Variants in NBPF14 observed in about 807,000 individuals in gnomAD.
NBPF14 encodes the protein NBPF member 14.
NBPF14 carries 104 observed loss-of-function variants against 91.2 expected under a neutral mutation model. The ratio of observed to expected loss-of-function variants is 1.14; its 90% CI spans 0.97 to 1.34. The LOEUF (loss-of-function observed/expected upper bound fraction) is 1.34. Among genes scored for constraint, NBPF14 ranks in the 40% most tolerant of loss-of-function variants. NBPF14 has a pLI of 0.00. For missense variants in NBPF14, 908 were observed against 783.0 expected (o/e 1.16, Z -1.91); for synonymous variants, 294 against 303.8 (o/e 0.97, Z 0.34).
intron 22 of NBPF14, among the ~76,000 whole-genome samples, chr1:148,571,274 C>CTG (rs1553335364): frequency 1.7e-5 from 1 of 58,292 alleles, no homozygotes; most frequent in African/African-American, 1.4e-4. Flanking sequence ...CACACACACA[C>CTG]AGAGAGAGAG....
At chr1:148,534,515 G>C (rs1251728552) in intron 69 of NBPF14, among the ~76,000 whole-genome samples, 169 bp downstream of exon 69, 1 of 151,788 alleles carries the variant, frequency 6.6e-6, no homozygotes, top group Non-Finnish European at 1.5e-5. Context: ...CCCATTTCAT[G>C]TCTAGGCTTC....
At chr1:148,577,679 A>T (rs1446440240) in intron 14 of NBPF14, among the ~76,000 whole-genome samples, 1 of 148,166 alleles carries the variant, frequency 6.7e-6, no homozygotes, top group African/African-American at 2.6e-5. Flanking sequence ...CACAGTGAAC[A>T]GTGATCATGA....
At position 148,534,976 on chromosome 1, in the gene NBPF14, T is replaced by C. The variant is rs1201775037; in HGVS notation, c.8442-120A>G. The C allele has an allele frequency of 4.4e-4, 324 of 733,640 alleles. 7 individuals are homozygous for C. In the African/African-American group the frequency reaches 5.8e-3, roughly 13 times the overall value. 45.4% of individuals were successfully genotyped at this position (733,640 alleles called of 1,614,324 possible). A position where few individuals can be genotyped will look rare whatever the true frequency, so the allele number is the denominator to read the frequency against. ...AAAAGAAAAAGGACAGATCCATTAA[T>C]GAGGTAACGAATTATTGCCTTTATG... On this transcript the variant is annotated intron_variant, in intron 68 of 70. Coordinates refer to ENST00000619423, the Ensembl canonical transcript of NBPF14.
chr1:148,574,106 C>T, exon 19 of NBPF14: 1 of 52,006 alleles, frequency 1.9e-5, no homozygotes. Flanking sequence ...ATAAAAGGAA[C>T]TTCCATAGGG....
chr1:148,591,233 T>C lies in NBPF14; in HGVS notation c.566+199A>G, dbSNP rs1356986615. ...GAGGATGAAGACTCAGCTATCCCTG[T>C]ATGGTACAGACATGACACTTGGCAC... On this transcript the variant is annotated intron_variant, in intron 5 of 70. Coordinates refer to ENST00000619423, the Ensembl canonical transcript of NBPF14. 7.1e-3 allele frequency among the ~76,000 whole-genome samples: 1,041 copies of C among 146,512 alleles called. 5 individuals are homozygous for C. Among genetic ancestry groups the C allele is most frequent in the Non-Finnish European group, 0.01 (670 of 64,850 alleles).
chr1:148,559,542 G>C (rs1418862830), intron 37 of NBPF14, among the ~76,000 whole-genome samples: 2 of 118,890 alleles, frequency 1.7e-5, no homozygotes, highest in Admixed American at 1.7e-4. Flanking sequence ...ATCTGCCCAG[G>C]TCCAATGTCA....
Position 148,586,954 on chromosome 1 carries a change from AG to A in NBPF14, c.1091+346del, listed in dbSNP as rs1248809347. Among the ~76,000 whole-genome samples the A allele has an allele frequency of 3.3e-4, 48 of 145,876 alleles. 2 individuals carry two copies. Among genetic ancestry groups the A allele is most frequent in the Admixed American group, 3.2e-3 (46 of 14,540 alleles). ...AAAGAATGAGAAGCCGCAGTCAGTCAGGAGGTGATTCTCACTAAGGGTAAGT... is the reference window on the plus strand; with the variant it reads ...AAAGAATGAGAAGCCGCAGTCAGTCAGAGGTGATTCTCACTAAGGGTAAGT... On this transcript the variant is annotated intron_variant, in intron 8 of 70. Coordinates refer to ENST00000619423, the Ensembl canonical transcript of NBPF14.
chr1:148,560,111 T>G (rs1342824300), intron 36 of NBPF14, 146 bp from the exon 37 acceptor site: 1 of 666,136 alleles, frequency 1.5e-6, no homozygotes, highest in Non-Finnish European at 2.7e-6. Context: ...TGCCTTTATG[T>G]TGGGATAGAA....
rs1193679703 is a variant in NBPF14, at chr1:148,589,975, G to A, written c.779-582C>T. Reference sequence around the variant, plus strand: ...TCGAACTCCTGAGCTCAGGTGTTCCGCCCACCTCAGCCTCCCAAAGTGCTG... The same window carrying A: ...TCGAACTCCTGAGCTCAGGTGTTCCACCCACCTCAGCCTCCCAAAGTGCTG... On this transcript the variant is annotated intron_variant, in intron 6 of 70. Coordinates refer to ENST00000619423, the Ensembl canonical transcript of NBPF14. Among the ~76,000 whole-genome samples, 17 of 142,486 alleles carry A rather than the reference G, an allele frequency of 1.2e-4. 1 individual carries two copies. The highest frequency in any genetic ancestry group is 2.8e-4 in the Admixed American group (4 of 14,234). 93.5% of individuals were successfully genotyped at this position (142,486 alleles called of 152,430 possible).
exon 37 of NBPF14, chr1:148,559,855 G>A (rs1423344967): frequency 4.6e-5 from 70 of 1,515,688 alleles, no homozygotes; most frequent in East Asian, 7.4e-5. Context: ...ACTTCTATAG[G>A]GCTGGCATGA....
intron 69 of NBPF14, among the ~76,000 whole-genome samples, 157 bp downstream of exon 69, chr1:148,534,527 A>G (rs1287682114): frequency 2.0e-5 from 3 of 151,808 alleles, no homozygotes; most frequent in African/African-American, 7.3e-5. Flanking sequence ...CTAGGCTTCC[A>G]GCTGAGACTA....
rs1477928089 is a variant in NBPF14, at chr1:148,557,625, G to C, written c.4955-83C>G. ...AGTCCACTGTCTAATCCCCACACAG[G>C]GATCTCAGGCTCCTCAGCATGAGAA... On this transcript the variant is annotated intron_variant, in intron 39 of 70. Transcript: ENST00000619423. 1.7e-4 allele frequency: 96 copies of C among 576,610 alleles called. 29 individuals carry two copies. In the African/African-American group the frequency reaches 2.6e-3, roughly 16 times the overall value. The allele number at this position is 576,610 out of a possible 1,614,324, so 35.7% of individuals were successfully genotyped here. A position where few individuals can be genotyped will look rare whatever the true frequency, so the allele number is the denominator to read the frequency against.
At chr1:148,595,029 A>G (rs1182332616) in intron 2 of NBPF14, among the ~76,000 whole-genome samples, 1 of 135,608 alleles carries the variant, frequency 7.4e-6, no homozygotes, top group Non-Finnish European at 1.6e-5. Context: ...TCACTTATAG[A>G]TAGCACAGGT....
exon 71 of NBPF14, chr1:148,532,277 G>A (rs1273047195): frequency 9.2e-5 from 14 of 152,376 alleles, no homozygotes; most frequent in Admixed American, 5.9e-4. Flanking sequence ...CAAGAACATG[G>A]CATTGTTCAT....
At chr1:148,532,403 G>T (rs1388513465) in exon 71 of NBPF14, 5 of 162,768 alleles carry the variant, frequency 3.1e-5, no homozygotes, top group Admixed American at 5.6e-5. Context: ...AATGCTGTTT[G>T]TCCATCTAGC....
chr1:148,593,451 T>C (rs1271117111), intron 3 of NBPF14, 147 bp downstream of exon 3: 2 of 636,264 alleles, frequency 3.1e-6, no homozygotes, highest in Non-Finnish European at 5.5e-6. Context: ...CCTTGTTCTC[T>C]GATAAATATT....
intron 69 of NBPF14, among the ~76,000 whole-genome samples, 153 bp downstream of exon 69, chr1:148,534,530 TG>T (rs1654628073): frequency 6.6e-6 from 1 of 151,748 alleles, no homozygotes; most frequent in Non-Finnish European, 1.5e-5. Context: ...GGCTTCCAGC[TG>T]AGACTACAGT....
intron 37 of NBPF14, among the ~76,000 whole-genome samples, 199 bp downstream of exon 37, chr1:148,559,594 G>A (rs1241929837): frequency 8.1e-6 from 1 of 123,760 alleles, no homozygotes; most frequent in Non-Finnish European, 1.5e-5. Context: ...CCTGAGACTA[G>A]GAAGAGAGCC....
At chr1:148,533,431 T>G (rs1394040997) in intron 70 of NBPF14, among the ~76,000 whole-genome samples, 183 bp from the exon 71 acceptor site, 3 of 150,212 alleles carry the variant, frequency 2.0e-5, no homozygotes, top group African/African-American at 7.4e-5. Flanking sequence ...TAGAAAACAA[T>G]GAAAGAGAAA....
Sources: gnomAD v4.1 joint callset for allele counts (sites outside exome capture counted in the v4.1 genomes callset) on GRCh38, gnomAD v4.1.1 for gene constraint, MANE v1.5 for transcripts, NCBI Gene and HGNC (gene_info 2026-07-23, HGNC 2026-07-21) for gene names.